The following CNTN4 variants were observed in gnomAD, a reference collection of about 807,000 sequenced individuals.
CNTN4 encodes contactin-4.
Under a neutral mutation model 122.5 loss-of-function variants are expected in CNTN4, and 77 were observed. That is an observed-to-expected ratio of 0.63 (90% CI 0.52 to 0.76). The LOEUF is 0.76. CNTN4 is among the 30% of genes least tolerant of loss of function. The pLI, the probability that CNTN4 is intolerant of heterozygous loss-of-function variation, is 0.00. For missense variants in CNTN4, 1,256 were observed against 1,259.1 expected, an observed-to-expected ratio of 1.00 and a Z score of 0.04; for synonymous variants, 512 against 447.0, an observed-to-expected ratio of 1.15 and a Z score of -1.83.
At chr3:2,424,585 A>T (rs1176310124) in intron 3 of CNTN4, among the ~76,000 whole-genome samples, 1 of 152,170 alleles carries the variant, frequency 6.6e-6, no homozygotes, top group African/African-American at 2.4e-5. Context: ...ATACCCAGTA[A>T]TGGGATGACT....
At chr3:2,320,947 A>G (rs1054869217) in intron 2 of CNTN4, among the ~76,000 whole-genome samples, 7 of 152,140 alleles carry the variant, frequency 4.6e-5, no homozygotes, top group African/African-American at 1.7e-4. Context: ...TGGAATTACT[A>G]TCATTCCTAA....
At chr3:2,745,431 C>A in intron 5 of CNTN4, 91 bp from the exon 6 acceptor site, 1 of 1,075,180 alleles carries the variant, frequency 9.3e-7, no homozygotes, top group Admixed American at 1.8e-5. Flanking sequence ...AATGATTTTT[C>A]ATGCTATTTA....
At chr3:2,757,442 C>G (rs2090389260) in intron 6 of CNTN4, among the ~76,000 whole-genome samples, 1 of 152,168 alleles carries the variant, frequency 6.6e-6, no homozygotes, top group Non-Finnish European at 1.5e-5. Context: ...TTGTCTGGCA[C>G]TCTAAAGCCC....
chr3:2,794,634 T>G (rs909046363), intron 6 of CNTN4, among the ~76,000 whole-genome samples: 2 of 152,226 alleles, frequency 1.3e-5, no homozygotes, highest in Admixed American at 1.3e-4. Flanking sequence ...TTCAACTTCC[T>G]TTAGAGATAG....
intron 6 of CNTN4, among the ~76,000 whole-genome samples, chr3:2,794,692 G>T (rs1266962339): frequency 6.6e-6 from 1 of 152,160 alleles, no homozygotes; most frequent in East Asian, 1.9e-4. Context: ...CTTCCATTCT[G>T]TTTAGGCTGC....
At chr3:2,660,443 G>C (rs1458740826) in intron 4 of CNTN4, among the ~76,000 whole-genome samples, 1 of 152,128 alleles carries the variant, frequency 6.6e-6, no homozygotes, top group Non-Finnish European at 1.5e-5. Flanking sequence ...GCTTCACTTT[G>C]AATAAATTTT....
intron 6 of CNTN4, among the ~76,000 whole-genome samples, chr3:2,759,878 G>C (rs888657176): frequency 6.6e-6 from 1 of 152,266 alleles, no homozygotes; most frequent in African/African-American, 2.4e-5. Flanking sequence ...TCAACCTACT[G>C]AGTGTGATGT....
At chr3:2,334,681 T>C (rs2043873174) in intron 2 of CNTN4, among the ~76,000 whole-genome samples, 1 of 152,152 alleles carries the variant, frequency 6.6e-6, no homozygotes, top group Non-Finnish European at 1.5e-5. Flanking sequence ...AGACTTGTAA[T>C]CAATGGTGAT....
intron 6 of CNTN4, among the ~76,000 whole-genome samples, chr3:2,812,632 G>A (rs1213518120): frequency 2.0e-5 from 3 of 152,012 alleles, no homozygotes; most frequent in African/African-American, 4.8e-5. Flanking sequence ...ACTTTATCCG[G>A]TGGAAGTTCT....
At chr3:2,485,298 C>T (rs928347969) in intron 3 of CNTN4, among the ~76,000 whole-genome samples, 3 of 152,344 alleles carry the variant, frequency 2.0e-5, no homozygotes, top group South Asian at 4.1e-4. Context: ...AGGGCGGGCA[C>T]GCGGTGGCAC....
Position 2,632,443 on chromosome 3 carries a change from G to A in CNTN4, c.55+60885G>A, listed in dbSNP as rs377182342. ...CCTATCCTCAGGGGTCATGTTGTAC[G>A]TAAAATATATTCTTTCATACACCAG... On this transcript the variant is annotated intron_variant, in intron 4 of 24. Transcript: ENST00000418658. Among the ~76,000 whole-genome samples, 6 of 152,094 alleles carry A rather than the reference G, an allele frequency of 3.9e-5. No homozygotes were observed. The East Asian group carries it at 5.8e-4, about 15-fold the overall frequency.
chr3:2,250,249 A>T (rs74642271), intron 2 of CNTN4, among the ~76,000 whole-genome samples: 17,481 of 151,980 alleles, frequency 0.12, 1,163 homozygotes, highest in Non-Finnish European at 0.16. Context: ...AGAAGAAGAG[A>T]TTCTACATTT....
At chr3:2,141,290 C>A (rs1302299294) in intron 2 of CNTN4, among the ~76,000 whole-genome samples, 1 of 152,128 alleles carries the variant, frequency 6.6e-6, no homozygotes, top group East Asian at 1.9e-4. Context: ...CTGGATTATC[C>A]TAGTGGACCT....
chr3:2,331,742 G>A (rs1166267968), intron 2 of CNTN4, among the ~76,000 whole-genome samples: 2 of 152,166 alleles, frequency 1.3e-5, no homozygotes, highest in African/African-American at 4.8e-5. Flanking sequence ...TGGAACTCAG[G>A]CCACACAGGG....
chr3:2,135,757 A>G (rs2034662699), intron 2 of CNTN4, among the ~76,000 whole-genome samples: 1 of 152,182 alleles, frequency 6.6e-6, no homozygotes, highest in African/African-American at 2.4e-5. Context: ...TGCCTGACCT[A>G]TGTGCAGATT....
intron 4 of CNTN4, among the ~76,000 whole-genome samples, chr3:2,645,955 T>C (rs2083097889): frequency 6.6e-6 from 1 of 152,244 alleles, no homozygotes; most frequent in African/African-American, 2.4e-5. Flanking sequence ...ACTTCAACTA[T>C]TGTTGTTTAA....
intron 3 of CNTN4, among the ~76,000 whole-genome samples, chr3:2,527,748 G>A (rs548697582): frequency 1.3e-5 from 2 of 152,096 alleles, no homozygotes; most frequent in African/African-American, 4.8e-5. Flanking sequence ...TGTCTTCTGA[G>A]AGCTAGTTGC....
rs1444510048 is a variant in CNTN4 at position 2,687,243 on chromosome 3, G to A, written c.56-48972G>A. ...TGCGGCAATAGCCTAAAGCTGAGCA[G>A]ACATTGCCTTCTATAGGCAGGGCAC... is the stretch of plus-strand genomic sequence containing the variant. On this transcript the variant is annotated intron_variant, in intron 4 of 24. Transcript: ENST00000418658. 4.3e-4 allele frequency among the ~76,000 whole-genome samples: 3 copies of A among 7,028 alleles called. No homozygotes were observed. The East Asian group carries it at 0.016, about 38-fold the overall frequency. The allele number at this position is 7,028 out of a possible 152,430, so 4.6% of individuals were successfully genotyped here.
intron 4 of CNTN4, among the ~76,000 whole-genome samples, chr3:2,680,251 G>C (rs958164088): frequency 2.6e-5 from 4 of 152,164 alleles, no homozygotes; most frequent in Non-Finnish European, 5.9e-5. Context: ...GCGAGGCAAG[G>C]CTTCAAAAAG....
Sources: allele counts gnomAD v4.1 joint callset (sites outside exome capture counted in the v4.1 genomes callset), GRCh38; gene constraint gnomAD v4.1.1; transcripts MANE v1.5; gene names NCBI Gene and HGNC (gene_info 2026-07-23, HGNC 2026-07-21).